The following SH3YL1 variants were observed in gnomAD, a reference collection of about 807,000 sequenced individuals.
The protein encoded by SH3YL1 is SH3 and SYLF domain containing 1.
Under a neutral mutation model 45.8 loss-of-function variants are expected in SH3YL1, and 41 were observed. The ratio of observed to expected loss-of-function variants is 0.89; its 90% confidence interval spans 0.70 to 1.16. SH3YL1 has a LOEUF of 1.16. SH3YL1 is among the 50% of genes most tolerant of loss of function. SH3YL1 has a pLI of 0.00. For synonymous variants in SH3YL1, 152 were observed against 151.4 expected, an observed-to-expected ratio of 1.00 and a Z score of -0.03; for missense variants, 389 against 409.6, an observed-to-expected ratio of 0.95 and a Z score of 0.43.
intron 8 of SH3YL1, chr2:229,764 A>C: frequency 4.7e-6 from 2 of 422,438 alleles, no homozygotes; most frequent in East Asian, 8.2e-5. Context: ...GTGTCTTATG[A>C]ATAGAAAGAG....
At position 243,452 on chromosome 2, in the gene SH3YL1, T is replaced by A. The variant is rs1668634319; in HGVS notation, c.291+4086A>T. 2.7e-6 allele frequency: 4 copies of A among 1,461,042 alleles called. No homozygotes were observed. In the East Asian group the frequency reaches 7.9e-5, roughly 29 times the overall value. 90.5% of individuals were successfully genotyped at this position (1,461,042 alleles called of 1,614,324 possible). A position where few individuals can be genotyped will look rare whatever the true frequency, so the allele number is the denominator to read the frequency against. On this transcript the variant is annotated intron_variant, in intron 4 of 9. Transcript: ENST00000356150. ...CAAATGGCTCAAAGAAGAAATCACA[T>A]GAGAAATTAGATAATATTTTGAGAT... is the stretch of plus-strand genomic sequence containing the variant.
In SH3YL1 at chr2:231,012, C is replaced by G. The variant is rs752277318; in HGVS notation, c.702+11G>C. The G allele has an allele frequency of 1.8e-5, 29 of 1,613,730 alleles. No homozygotes were observed. The highest frequency in any genetic ancestry group is 2.5e-5 in the Non-Finnish European group (29 of 1,179,724). On this transcript the variant is annotated intron_variant, in intron 7 of 9. Coordinates refer to ENST00000356150, the MANE Select transcript of SH3YL1 (RefSeq NM_015677.4). The stretch of plus-strand genomic sequence containing the variant: ...TGAGAATACTGAGTGAAACATAAAA[C>G]CAAACGGTACAGAAGACTTCCTCTG...
rs116464250 is a variant in SH3YL1, at chr2:262,189, G to C, written c.1+1795C>G. On this transcript the variant is annotated intron_variant, in intron 1 of 9. Transcript: ENST00000356150. ...GACAACTATGGCCTTTGTTTCTTAA[G>C]TCAATTCTTACCTTTCTGGGGCCTT... The C allele has an allele frequency of 7.7e-3, 1,193 of 155,252 alleles. 10 individuals are homozygous for C. Among genetic ancestry groups the C allele is most frequent in the African/African-American group, 0.027 (1,119 of 41,536 alleles). 9.6% of individuals were successfully genotyped at this position (155,252 alleles called of 1,614,324 possible). A position where few individuals can be genotyped will look rare whatever the true frequency, so the allele number is the denominator to read the frequency against.
chr2:224,713 A>C, intron 9 of SH3YL1, 151 bp downstream of exon 9: 1 of 654,642 alleles, frequency 1.5e-6, no homozygotes, highest in Non-Finnish European at 2.7e-6. Context: ...GCATTTTCTA[A>C]ATGAAGTACT....
intron 1 of SH3YL1, chr2:262,759 T>G: frequency 1.7e-6 from 2 of 1,164,200 alleles, no homozygotes; most frequent in Non-Finnish European, 2.2e-6. Flanking sequence ...TTCTGCGGAA[T>G]GAGAAATCTC....
At chr2:219,174 T>G (rs548051677) in intron 9 of SH3YL1, among the ~76,000 whole-genome samples, 173 bp from the exon 10 acceptor site, 1 of 152,348 alleles carries the variant, frequency 6.6e-6, no homozygotes, top group South Asian at 2.1e-4. Context: ...TATTTTTCTC[T>G]GCACATTCTA....
chr2:264,396 A>C, upstream of SH3YL1: 1 of 204,124 alleles, frequency 4.9e-6, no homozygotes, highest in Non-Finnish European at 9.8e-6. Context: ...ACAGCCCGCC[A>C]CGTGCGCGAG....
In SH3YL1 at chr2:262,864, AG is replaced by A. The variant is rs1669643512; in HGVS notation, c.1+1119del. ...ACTTTTTTTTAACTTACAAAAGATG[AG>A]GGGTAACATTTACTAGTTTTACAGA... On this transcript the variant is annotated intron_variant, in intron 1 of 9. Transcript: ENST00000356150. 15 of 461,978 alleles carry A rather than the reference AG, an allele frequency of 3.2e-5. No homozygotes were observed. In the South Asian group the frequency reaches 3.5e-4, roughly 11 times the overall value. 28.6% of individuals were successfully genotyped at this position (461,978 alleles called of 1,614,324 possible). A position where few individuals can be genotyped will look rare whatever the true frequency, so the allele number is the denominator to read the frequency against.
upstream of SH3YL1, chr2:264,122 C>T: frequency 8.0e-7 from 1 of 1,243,282 alleles, no homozygotes. Flanking sequence ...AAAACACCCG[C>T]CGTGTACGTT....
At chr2:244,225 G>A (rs551395768) in intron 4 of SH3YL1, among the ~76,000 whole-genome samples, 189 of 151,668 alleles carry the variant, frequency 1.2e-3, no homozygotes, top group African/African-American at 3.9e-3. Context: ...GGCCTGGAGC[G>A]GTGGCTCACG....
chr2:253,611 G>A (rs889526153), intron 1 of SH3YL1, among the ~76,000 whole-genome samples: 1 of 152,246 alleles, frequency 6.6e-6, no homozygotes, highest in Non-Finnish European at 1.5e-5. Context: ...GAAAACTCAC[G>A]AATAATCCAC....
intron 3 of SH3YL1, among the ~76,000 whole-genome samples, chr2:249,226 C>G (rs1250493140): frequency 6.6e-6 from 1 of 152,140 alleles, no homozygotes; most frequent in Non-Finnish European, 1.5e-5. Context: ...TAGATTTCAT[C>G]CCAGAAAGTA....
At chr2:263,072 G>C (rs568214977) in intron 1 of SH3YL1, 1 of 172,992 alleles carries the variant, frequency 5.8e-6, no homozygotes, top group Non-Finnish European at 1.3e-5. Context: ...CCTTAGCCTC[G>C]AGACCTGTTC....
chr2:239,419 G>GGA (rs1255144038), intron 4 of SH3YL1: 4 of 152,152 alleles, frequency 2.6e-5, no homozygotes, highest in Non-Finnish European at 4.4e-5. Context: ...TACACCACGT[G>GGA]GAAGGTACGG....
intron 1 of SH3YL1, among the ~76,000 whole-genome samples, chr2:257,299 C>G (rs780013358): frequency 1.2e-4 from 19 of 152,178 alleles, no homozygotes; most frequent in Non-Finnish European, 2.5e-4. Context: ...ATCATAAAAT[C>G]TTTGCCAGCG....
chr2:251,142 G>A (rs1446329369), intron 2 of SH3YL1, among the ~76,000 whole-genome samples: 6 of 152,094 alleles, frequency 3.9e-5, no homozygotes, highest in Non-Finnish European at 8.8e-5. Context: ...CTCAAATTCA[G>A]GGACACTAAC....
chr2:232,435 G>A (rs1190700448), intron 6 of SH3YL1, among the ~76,000 whole-genome samples: 1 of 64,914 alleles, frequency 1.5e-5, no homozygotes, highest in Non-Finnish European at 2.9e-5. Context: ...ACTAACTTAT[G>A]TTTAAGTTTC....
At chr2:232,955 T>C in intron 6 of SH3YL1, 146 bp downstream of exon 6, 6 of 551,486 alleles carry the variant, frequency 1.1e-5, no homozygotes, top group Non-Finnish European at 1.7e-5. Context: ...ATATTATTTG[T>C]ATATTTAATT....
intron 9 of SH3YL1, among the ~76,000 whole-genome samples, chr2:219,576 T>G (rs1667490027): frequency 6.6e-6 from 1 of 152,120 alleles, no homozygotes; most frequent in Non-Finnish European, 1.5e-5. Flanking sequence ...GCGTGAGAAA[T>G]AAAATTCCAT....
Sources: allele counts gnomAD v4.1 joint callset (sites outside exome capture counted in the v4.1 genomes callset), GRCh38; gene constraint gnomAD v4.1.1; transcripts MANE v1.5; gene names NCBI Gene and HGNC (gene_info 2026-07-23, HGNC 2026-07-21).